Variants in CSMD1 observed in about 807,000 individuals in gnomAD.
CSMD1 encodes the protein CUB and Sushi multiple domains 1, also known as CUB and sushi domain-containing protein 1.
In CSMD1, 213 loss-of-function variants were observed where a neutral mutation model predicts 417.5. That is an observed-to-expected ratio of 0.51 (90% CI 0.46 to 0.57). CSMD1 has a LOEUF of 0.57. CSMD1 is among the 20% of genes least tolerant of loss of function. The probability of loss-of-function intolerance (pLI) is 0.00; values close to 1 mark genes in which losing one functional copy is unlikely to be tolerated. For synonymous variants in CSMD1, 2,862 were observed against 1,736.8 expected (o/e 1.65, Z -16.11); for missense variants, 6,923 against 4,529.7 (o/e 1.53, Z -15.17).
At chr8:4,741,232 A>T (rs1810586222) in intron 1 of CSMD1, among the ~76,000 whole-genome samples, 1 of 152,132 alleles carries the variant, frequency 6.6e-6, no homozygotes, top group South Asian at 2.1e-4. Flanking sequence ...AGTTCACTTA[A>T]CTTTTACTAA....
chr8:4,280,943 T>A (rs994244108), intron 3 of CSMD1, among the ~76,000 whole-genome samples: 3 of 152,352 alleles, frequency 2.0e-5, no homozygotes, highest in African/African-American at 7.2e-5. Flanking sequence ...ATATCCACGT[T>A]TTTTCCAAAC....
chr8:4,541,574 C>G (rs940080807), intron 2 of CSMD1, among the ~76,000 whole-genome samples: 1 of 151,732 alleles, frequency 6.6e-6, no homozygotes, highest in African/African-American at 2.4e-5. Flanking sequence ...ATGGTAAAAC[C>G]CTGTCTGTAC....
At chr8:4,326,894 A>T (rs770679996) in intron 3 of CSMD1, among the ~76,000 whole-genome samples, 2 of 152,302 alleles carry the variant, frequency 1.3e-5, no homozygotes, top group South Asian at 4.1e-4. Flanking sequence ...TACATAGACC[A>T]TGTATAGGAG....
At chr8:4,254,695 A>G (rs1263555821) in intron 3 of CSMD1, among the ~76,000 whole-genome samples, 2 of 151,956 alleles carry the variant, frequency 1.3e-5, no homozygotes, top group East Asian at 1.9e-4. Flanking sequence ...CCATATTTTT[A>G]CCGTACCTTT....
At chr8:4,583,496 G>A (rs940421403) in intron 2 of CSMD1, among the ~76,000 whole-genome samples, 1 of 151,426 alleles carries the variant, frequency 6.6e-6, no homozygotes, top group African/African-American at 2.4e-5. Flanking sequence ...GTCTAGCTCA[G>A]GGATTGTAAA....
chr8:3,454,422 A>G (rs1320277074), intron 12 of CSMD1, among the ~76,000 whole-genome samples: 1 of 152,104 alleles, frequency 6.6e-6, no homozygotes, highest in Non-Finnish European at 1.5e-5. Context: ...GGTCTTCACA[A>G]TTTGGCATGT....
At chr8:2,956,342 T>C (rs977503474) in intron 63 of CSMD1, among the ~76,000 whole-genome samples, 5 of 152,112 alleles carry the variant, frequency 3.3e-5, no homozygotes, top group African/African-American at 9.6e-5. Context: ...CTGTGATGTA[T>C]ACTCTATATC....
At chr8:3,715,874 G>A (rs192097953) in intron 6 of CSMD1, among the ~76,000 whole-genome samples, 6 of 152,222 alleles carry the variant, frequency 3.9e-5, no homozygotes, top group Admixed American at 1.3e-4. Context: ...CACACGGCCT[G>A]CAGACAGACA....
At chr8:4,214,143 C>A (rs922769270) in intron 3 of CSMD1, among the ~76,000 whole-genome samples, 35 of 152,016 alleles carry the variant, frequency 2.3e-4, no homozygotes, top group African/African-American at 7.5e-4. Context: ...TGGCTTAGTT[C>A]TTGGATCTCT....
At chr8:4,981,307 A>T (rs1340112793) in intron 1 of CSMD1, among the ~76,000 whole-genome samples, 5 of 152,240 alleles carry the variant, frequency 3.3e-5, no homozygotes, top group Non-Finnish European at 1.5e-5. Context: ...GGCTACAGTG[A>T]AGAAGCCCCT....
intron 23 of CSMD1, among the ~76,000 whole-genome samples, chr8:3,334,330 G>C (rs1322430671): frequency 6.6e-6 from 1 of 152,140 alleles, no homozygotes; most frequent in Non-Finnish European, 1.5e-5. Context: ...CTTCATGCTT[G>C]CAATATTTTC....
intron 1 of CSMD1, among the ~76,000 whole-genome samples, chr8:4,944,143 A>G (rs993570441): frequency 1.3e-5 from 2 of 152,182 alleles, no homozygotes; most frequent in African/African-American, 4.8e-5. Context: ...AGGCATCTGA[A>G]TATCTTGGAA....
At chr8:4,749,802 T>C (rs1472370508) in intron 1 of CSMD1, among the ~76,000 whole-genome samples, 5 of 152,100 alleles carry the variant, frequency 3.3e-5, no homozygotes, top group Non-Finnish European at 5.9e-5. Context: ...GTATGACACA[T>C]TGTTTAAACC....
chr8:3,141,659 G>C (rs1180030083), intron 41 of CSMD1, among the ~76,000 whole-genome samples: 3 of 152,068 alleles, frequency 2.0e-5, no homozygotes, highest in Non-Finnish European at 4.4e-5. Flanking sequence ...CACCCAAACC[G>C]GTAATCTGGC....
Position 4,717,161 on chromosome 8 carries a change from G to C in CSMD1, c.86-79603C>G, listed in dbSNP as rs189456798. 9.9e-5 allele frequency among the ~76,000 whole-genome samples: 15 copies of C among 151,728 alleles called. No homozygotes were observed. In the East Asian group the frequency reaches 2.9e-3, roughly 30 times the overall value. On this transcript the variant is annotated intron_variant, in intron 1 of 69. Coordinates refer to ENST00000635120, the MANE Select transcript of CSMD1 (RefSeq NM_033225.6). ...AGGAAAAAAAACTAGGGTATACAGT[G>C]AGATATTTGGGAGTCAGGAGAAAAA...
At position 3,229,907 on chromosome 8, in the gene CSMD1, C is replaced by T. The variant is rs1410911566; in HGVS notation, c.4345+133G>A. The T allele has an allele frequency of 4.7e-6, 3 of 633,358 alleles. No homozygotes were observed. The East Asian group carries it at 8.8e-5, about 19-fold the overall frequency. 39.2% of individuals were successfully genotyped at this position (633,358 alleles called of 1,614,324 possible). A position where few individuals can be genotyped will look rare whatever the true frequency, so the allele number is the denominator to read the frequency against. On this transcript the variant is annotated intron_variant, in intron 27 of 69. Coordinates refer to ENST00000635120, the MANE Select transcript of CSMD1 (RefSeq NM_033225.6). ...AGGTTTACAATAAAATTTCAGGAGTCTCAGAGAGCCAGAGAACATGAAAGA... is the reference window on the plus strand; with the variant it reads ...AGGTTTACAATAAAATTTCAGGAGTTTCAGAGAGCCAGAGAACATGAAAGA...
At chr8:4,057,780 A>C (rs188915605) in intron 3 of CSMD1, among the ~76,000 whole-genome samples, 7 of 152,054 alleles carry the variant, frequency 4.6e-5, no homozygotes, top group Non-Finnish European at 8.8e-5. Context: ...GCACCATTTA[A>C]TAAATAGGGA....
intron 49 of CSMD1, among the ~76,000 whole-genome samples, chr8:3,054,326 A>C (rs1201805968): frequency 6.6e-6 from 1 of 152,230 alleles, no homozygotes; most frequent in Non-Finnish European, 1.5e-5. Context: ...AACCATCAAA[A>C]ATACATGTGG....
intron 7 of CSMD1, among the ~76,000 whole-genome samples, chr8:3,634,991 T>C (rs912111262): frequency 6.6e-6 from 1 of 152,164 alleles, no homozygotes; most frequent in Non-Finnish European, 1.5e-5. Context: ...GTAAGAAATT[T>C]GTGTATCTAA....
Sources: allele counts gnomAD v4.1 joint callset (sites outside exome capture counted in the v4.1 genomes callset), GRCh38; gene constraint gnomAD v4.1.1; transcripts MANE v1.5; gene names NCBI Gene and HGNC (gene_info 2026-07-23, HGNC 2026-07-21).